Variants in SCUBE2 observed in about 807,000 individuals in gnomAD.
SCUBE2 encodes signal peptide, CUB and EGF-like domain-containing protein 2.
SCUBE2 carries 114 observed loss-of-function variants against 125.9 expected under a neutral mutation model. The ratio of observed to expected loss-of-function variants is 0.91; its 90% CI spans 0.78 to 1.06. SCUBE2 has a LOEUF of 1.06. SCUBE2 is among the 50% of genes least tolerant of loss of function. The pLI, the probability that SCUBE2 is intolerant of heterozygous loss-of-function variation, is 0.00. For missense variants in SCUBE2, 1,255 were observed against 1,301.8 expected, an observed-to-expected ratio of 0.96 and a Z score of 0.55; for synonymous variants, 459 against 492.9, an observed-to-expected ratio of 0.93 and a Z score of 0.91.
intron 2 of SCUBE2, among the ~76,000 whole-genome samples, chr11:9,084,561 GA>G (rs147928971): frequency 0.017 from 2,513 of 152,054 alleles, 72 homozygotes; most frequent in African/African-American, 0.058. Context: ...TTGTAGCAGA[GA>G]AAACCCAGTA....
rs1314615020 is a variant in SCUBE2 at position 9,025,774 on chromosome 11, G to C, written c.2782C>G (p.Leu928Val). The C allele has an allele frequency of 1.2e-6, 2 of 1,614,186 alleles. No homozygotes were observed. Among genetic ancestry groups the C allele is most frequent in the Admixed American group, 1.7e-5 (1 of 60,020 alleles). Residue 928 changes from leucine (L) to valine (V), a missense_variant, in exon 21 of 23, where the codon CTG becomes GTG. Coordinates refer to ENST00000649792, the MANE Select transcript of SCUBE2 (RefSeq NM_001367977.2). ...PIAFTSRSKKLWIQFKSNEGN... is the reference protein window; with the variant it reads ...PIAFTSRSKKVWIQFKSNEGN... The stretch of plus-strand genomic sequence containing the variant: ...TCATTGGACTTGAACTGAATCCACA[G>C]CTTCTTTGACCTGGAGGTGAAGGCG...
intron 5 of SCUBE2, among the ~76,000 whole-genome samples, chr11:9,068,474 C>A (rs1472554578): frequency 6.6e-6 from 1 of 152,128 alleles, no homozygotes; most frequent in African/African-American, 2.4e-5. Flanking sequence ...GGCAAGGTCC[C>A]TGACTTGGAG....
intron 16 of SCUBE2, among the ~76,000 whole-genome samples, chr11:9,035,994 T>G (rs1011583999): frequency 1.3e-5 from 2 of 152,184 alleles, no homozygotes; most frequent in South Asian, 4.1e-4. Context: ...GTTCAAGCGA[T>G]TCTCCCACCC....
intron 16 of SCUBE2, among the ~76,000 whole-genome samples, chr11:9,036,296 T>C (rs555933092): frequency 1.2e-4 from 19 of 152,306 alleles, no homozygotes; most frequent in South Asian, 2.1e-4. Flanking sequence ...CCAGACTTCT[T>C]CTCTAAATGC....
At chr11:9,082,148 C>G (rs1222137524) in intron 2 of SCUBE2, among the ~76,000 whole-genome samples, 1 of 152,156 alleles carries the variant, frequency 6.6e-6, no homozygotes, top group Non-Finnish European at 1.5e-5. Flanking sequence ...GCTGAAATGT[C>G]TATTCAGATA....
intron 16 of SCUBE2, among the ~76,000 whole-genome samples, chr11:9,037,561 C>T (rs1262452913): frequency 2.0e-5 from 3 of 152,210 alleles, no homozygotes; most frequent in Admixed American, 1.3e-4. Context: ...AAGAATCACG[C>T]CTTGACTTCT....
At chr11:9,086,113 C>T (rs1006968124) in intron 2 of SCUBE2, among the ~76,000 whole-genome samples, 10 of 152,196 alleles carry the variant, frequency 6.6e-5, no homozygotes, top group African/African-American at 2.2e-4. Flanking sequence ...GGATTACAGG[C>T]GTGAGCCAAT....
intron 20 of SCUBE2, chr11:9,026,999 A>T: frequency 3.8e-6 from 1 of 261,790 alleles, no homozygotes; most frequent in Non-Finnish European, 7.4e-6. Flanking sequence ...ACAGGTCCCC[A>T]CCTGGCCAGG....
chr11:9,033,710 G>T lies in SCUBE2; in HGVS notation c.2089C>A (p.Gln697Lys). 2 of 1,614,094 alleles carry T rather than the reference G, an allele frequency of 1.2e-6. No individual in the cohort carries two copies. Among genetic ancestry groups the T allele is most frequent in the Non-Finnish European group, 1.7e-6 (2 of 1,179,998 alleles). ...CTTGGGCATGGTTCACAAGTCATTT[G>T]TCCTTCCTCATTTTGGAAGGTTCCA... ...PNGTFQNEEG[Q>K]MTCEPCPRPG... The change falls in exon 17 of 23, where the codon CAA becomes AAA. Residue 697 changes from glutamine (Q) to lysine (K), a missense_variant. Around this residue, in one of 3 missense-constraint regions of SCUBE2, gnomAD observed 515 missense variants for 515.7 expected, o/e 1.00. Transcript: ENST00000649792.
Position 9,047,530 on chromosome 11 carries a change from T to A in SCUBE2, c.1828A>T (p.Thr610Ser). The change falls in exon 16 of 23, where the codon ACC (threonine) becomes TCC (serine). Residue 610 changes from threonine (T) to serine (S), a missense_variant. This residue lies in a region of SCUBE2 where 378 missense variants were observed against 463.1 expected (regional missense o/e 0.82). Coordinates refer to ENST00000649792, the MANE Select transcript of SCUBE2 (RefSeq NM_001367977.2). ...SCDLSCIVKR[T>S]EKRLRKAIRT... ...ATGGCTTTACGGAGCCGCTTCTCGG[T>A]TCGCTTTACGATGCAGCTCAGGTCA... The A allele has an allele frequency of 6.2e-7, 1 of 1,613,934 alleles. No individual in the cohort carries two copies. The highest frequency in any genetic ancestry group is 8.5e-7 in the Non-Finnish European group (1 of 1,179,992).
At position 9,047,947 on chromosome 11, in the gene SCUBE2, C is replaced by T; in HGVS notation, c.1791G>A (p.Val597=). Residue 597 remains valine, a synonymous_variant, in exon 15 of 23, where the codon GTG becomes GTA. Coordinates refer to ENST00000649792, the MANE Select transcript of SCUBE2 (RefSeq NM_001367977.2). The stretch of plus-strand genomic sequence containing the variant: ...GCAGACTGTTTTCAAACCAACCTGT[C>T]ACCTCCTTTTGGTTAGTTTCAAGCT... ...EFELETNQKE[V]TASCDLSCIV... is the part of the protein sequence containing the mutation. The T allele has an allele frequency of 6.2e-7, 1 of 1,609,394 alleles. No homozygotes were observed.
intron 4 of SCUBE2, among the ~76,000 whole-genome samples, chr11:9,070,901 A>G (rs983743117): frequency 6.6e-6 from 1 of 152,188 alleles, no homozygotes; most frequent in Non-Finnish European, 1.5e-5. Flanking sequence ...GCACTCCAGC[A>G]CTCAGTCTGC....
chr11:9,067,607 A>T (rs957931665), intron 5 of SCUBE2, among the ~76,000 whole-genome samples: 3 of 152,238 alleles, frequency 2.0e-5, no homozygotes, highest in African/African-American at 7.2e-5. Context: ...AACAACAACT[A>T]AATAGGAATA....
chr11:9,021,861 G>A lies in SCUBE2; in HGVS notation c.2934+15C>T, dbSNP rs769918400. ...CTGTGGATAACTGCCATGTCCACCT[G>A]AGCCAGGCACTCACCTTAAGTATTT... On this transcript the variant is annotated intron_variant, in intron 22 of 22. Transcript: ENST00000649792. The A allele has an allele frequency of 2.5e-6, 4 of 1,601,356 alleles. No homozygotes were observed. Among genetic ancestry groups the A allele is most frequent in the Non-Finnish European group, 3.4e-6 (4 of 1,168,906 alleles).
chr11:9,067,771 T>A (rs915405070), intron 5 of SCUBE2, among the ~76,000 whole-genome samples: 12 of 152,100 alleles, frequency 7.9e-5, no homozygotes, highest in Non-Finnish European at 1.2e-4. Context: ...ATGTTAAAAT[T>A]AAAAAAAGTT....
At chr11:9,069,611 GC>G in intron 4 of SCUBE2, 116 bp from the exon 5 acceptor site, 2 of 1,336,266 alleles carry the variant, frequency 1.5e-6, no homozygotes, top group Non-Finnish European at 2.1e-6. Flanking sequence ...GTCTCCATCA[GC>G]CCCACATTTG....
At position 9,030,219 on chromosome 11, in the gene SCUBE2, G is replaced by A. The variant is rs1190504821; in HGVS notation, c.2342-174C>T. On this transcript the variant is annotated intron_variant, in intron 18 of 22. Transcript: ENST00000649792. ...ATTCCCTAAATAGGCAGTGTGGATG[G>A]GGCTCATGAAATAGAGAAATATAGA... The A allele has an allele frequency of 2.1e-5, 14 of 663,534 alleles. 1 individual carries two copies. The highest frequency in any genetic ancestry group is 3.6e-5 in the Non-Finnish European group (14 of 389,458). 41.1% of individuals were successfully genotyped at this position (663,534 alleles called of 1,614,324 possible). A position where few individuals can be genotyped will look rare whatever the true frequency, so the allele number is the denominator to read the frequency against.
At chr11:9,080,673 G>T (rs1019744320) in intron 2 of SCUBE2, among the ~76,000 whole-genome samples, 2 of 150,392 alleles carry the variant, frequency 1.3e-5, no homozygotes, top group African/African-American at 4.9e-5. Flanking sequence ...GAGAAAAAGA[G>T]AAAAATCTTT....
At chr11:9,058,467 G>A (rs563991644) in intron 9 of SCUBE2, among the ~76,000 whole-genome samples, 13 of 151,910 alleles carry the variant, frequency 8.6e-5, no homozygotes, top group Non-Finnish European at 1.5e-4. Context: ...GTGATGGTGC[G>A]CACCTGTAGT....
Sources: allele counts gnomAD v4.1 joint callset (sites outside exome capture counted in the v4.1 genomes callset), GRCh38; gene constraint gnomAD v4.1.1; regional missense constraint gnomAD v4.1.1; transcripts MANE v1.5; gene names NCBI Gene and HGNC (gene_info 2026-07-23, HGNC 2026-07-21).